Variants in MLLT3 observed in about 807,000 individuals in gnomAD.
The protein encoded by MLLT3 is protein AF-9.
A neutral mutation model predicts 53.2 loss-of-function variants in MLLT3; 4 were observed. The observed-to-expected ratio is 0.08, with a 90% confidence interval of 0.04 to 0.17. MLLT3 has a LOEUF of 0.17. Ranked by LOEUF, MLLT3 falls within the 10% of genes least tolerant of loss-of-function variation. The pLI is 1.00. For synonymous variants in MLLT3, 283 were observed against 230.6 expected, an observed-to-expected ratio of 1.23 and a Z score of -2.06; for missense variants, 569 against 684.0, an observed-to-expected ratio of 0.83 and a Z score of 1.87.
chr9:20,410,561 C>T (rs893629153), intron 5 of MLLT3: 1 of 152,094 alleles, frequency 6.6e-6, no homozygotes, highest in African/African-American at 2.4e-5. Flanking sequence ...ATCTACCTAC[C>T]TTTCACTTAT....
At chr9:20,517,349 C>A (rs907925987) in intron 2 of MLLT3, among the ~76,000 whole-genome samples, 1 of 151,348 alleles carries the variant, frequency 6.6e-6, no homozygotes, top group African/African-American at 2.4e-5. Flanking sequence ...ATCCCAGTAA[C>A]AATGAACACA....
At chr9:20,497,260 C>G (rs1032946587) in intron 2 of MLLT3, among the ~76,000 whole-genome samples, 3 of 152,162 alleles carry the variant, frequency 2.0e-5, no homozygotes, top group African/African-American at 7.2e-5. Context: ...TATAACTTTT[C>G]AATGTTCTTT....
chr9:20,373,323 T>C (rs1821666971), intron 5 of MLLT3, among the ~76,000 whole-genome samples: 1 of 152,214 alleles, frequency 6.6e-6, no homozygotes, highest in African/African-American at 2.4e-5. Flanking sequence ...AATACAATCT[T>C]CAACATTAAA....
At chr9:20,566,434 T>C (rs1235408457) in intron 2 of MLLT3, among the ~76,000 whole-genome samples, 2 of 152,154 alleles carry the variant, frequency 1.3e-5, no homozygotes, top group African/African-American at 2.4e-5. Flanking sequence ...AAACAATACG[T>C]AGGCATATTC....
intron 5 of MLLT3, among the ~76,000 whole-genome samples, chr9:20,398,398 GTAGT>G (rs756511129): frequency 1.4e-4 from 21 of 152,104 alleles, no homozygotes; most frequent in Admixed American, 2.0e-4. Flanking sequence ...TTATACGGTT[GTAGT>G]TACTCAGATG....
At chr9:20,470,576 C>A (rs1219637527) in intron 2 of MLLT3, among the ~76,000 whole-genome samples, 2 of 151,990 alleles carry the variant, frequency 1.3e-5, no homozygotes, top group Admixed American at 1.3e-4. Flanking sequence ...TACCAAGAAA[C>A]TGAATAAGCT....
In MLLT3 at chr9:20,611,500, A is replaced by G. The variant is rs558046424; in HGVS notation, c.193+9154T>C. Among the ~76,000 whole-genome samples the G allele has an allele frequency of 1.2e-3, 177 of 152,226 alleles. 2 individuals are homozygous for G. The highest frequency in any genetic ancestry group is 2.3e-3 in the Non-Finnish European group (157 of 67,942). The stretch of plus-strand genomic sequence containing the variant: ...GGAAAGGAACAAAGAAAAAAAATCT[A>G]GTTTTGACAAAATCAAATATTTTAA... On this transcript the variant is annotated intron_variant, in intron 2 of 10. Coordinates refer to ENST00000380338, the MANE Select transcript of MLLT3 (RefSeq NM_004529.4).
At chr9:20,474,585 G>C (rs912599860) in intron 2 of MLLT3, among the ~76,000 whole-genome samples, 1 of 151,946 alleles carries the variant, frequency 6.6e-6, no homozygotes, top group African/African-American at 2.4e-5. Context: ...AGACACCCTT[G>C]TATTCCATCC....
At chr9:20,503,592 T>G (rs1282103183) in intron 2 of MLLT3, among the ~76,000 whole-genome samples, 1 of 152,150 alleles carries the variant, frequency 6.6e-6, no homozygotes, top group East Asian at 1.9e-4. Context: ...ATAAAAATAC[T>G]AGAAGAAAAC....
intron 9 of MLLT3, among the ~76,000 whole-genome samples, chr9:20,354,598 C>G (rs1057153742): frequency 2.0e-5 from 3 of 152,186 alleles, no homozygotes; most frequent in African/African-American, 7.2e-5. Context: ...TGGCAAATGA[C>G]AGCATAAGGC....
chr9:20,596,227 C>T (rs1820258545), intron 2 of MLLT3, among the ~76,000 whole-genome samples: 1 of 152,208 alleles, frequency 6.6e-6, no homozygotes. Context: ...AAAATAAATG[C>T]TGAATAAAAG....
In MLLT3 at chr9:20,622,465, G is replaced by A; in HGVS notation, c.-209C>T. 2 of 539,116 alleles carry A rather than the reference G, an allele frequency of 3.7e-6. No homozygotes were observed. Among genetic ancestry groups the A allele is most frequent in the Non-Finnish European group, 6.6e-6 (2 of 304,174 alleles). The allele number at this position is 539,116 out of a possible 1,614,324, so 33.4% of individuals were successfully genotyped here. On this transcript the variant is annotated 5_prime_UTR_variant, in exon 1 of 11. Coordinates refer to ENST00000380338, the MANE Select transcript of MLLT3 (RefSeq NM_004529.4). The stretch of plus-strand genomic sequence containing the variant: ...CTCAGCCCCAAAAGCAAAAGCAGCA[G>A]CAGCAGCAGCAGCTCCAGGGTAAAG...
intron 4 of MLLT3, among the ~76,000 whole-genome samples, chr9:20,429,566 A>T (rs1177149474): frequency 6.6e-6 from 1 of 152,148 alleles, no homozygotes; most frequent in African/African-American, 2.4e-5. Context: ...AAAGGAAAAA[A>T]ATCTAATAGA....
intron 2 of MLLT3, among the ~76,000 whole-genome samples, chr9:20,462,690 T>C (rs918678409): frequency 6.6e-6 from 1 of 152,158 alleles, no homozygotes; most frequent in Non-Finnish European, 1.5e-5. Context: ...TCCTAATACA[T>C]CTGCTACCAT....
Position 20,343,622 on chromosome 9 carries a change from C to T in MLLT3, c.*2821G>A, listed in dbSNP as rs1820795357. 1 of 228,902 alleles carries T rather than the reference C, an allele frequency of 4.4e-6. No individual in the cohort carries two copies. Among genetic ancestry groups the T allele is most frequent in the Admixed American group, 5.7e-5 (1 of 17,640 alleles). The allele number at this position is 228,902 out of a possible 1,614,324, so 14.2% of individuals were successfully genotyped here. A position where few individuals can be genotyped will look rare whatever the true frequency, so the allele number is the denominator to read the frequency against. On this transcript the variant is annotated 3_prime_UTR_variant, in exon 11 of 11. Coordinates refer to ENST00000380338, the MANE Select transcript of MLLT3 (RefSeq NM_004529.4). ...GGAGCTCTGTACATATATTTTTTCC[C>T]CTGGCTGATCACTGAGGAAAAATTT...
rs34950474 is a variant in MLLT3 at position 20,342,834 on chromosome 9, G to GTATATA, written c.*3603_*3608dup. On this transcript the variant is annotated 3_prime_UTR_variant, in exon 11 of 11. Coordinates refer to ENST00000380338, the MANE Select transcript of MLLT3 (RefSeq NM_004529.4). ...AAGATTACTCTGATAATATATATGT[G>GTATATA]TATATATATATATATATGTATATAT... 58 of 166,686 alleles carry GTATATA rather than the reference G, an allele frequency of 3.5e-4. No homozygotes were observed. The highest frequency in any genetic ancestry group is 2.4e-3 in the Middle Eastern group (1 of 410). 10.3% of individuals were successfully genotyped at this position (166,686 alleles called of 1,614,324 possible). A position where few individuals can be genotyped will look rare whatever the true frequency, so the allele number is the denominator to read the frequency against.
intron 5 of MLLT3, among the ~76,000 whole-genome samples, chr9:20,396,015 A>G (rs575713583): frequency 6.6e-6 from 1 of 152,172 alleles, no homozygotes; most frequent in Non-Finnish European, 1.5e-5. Context: ...TTAAATTCCC[A>G]GTTCTATTCA....
At chr9:20,602,272 T>A (rs1457559987) in intron 2 of MLLT3, among the ~76,000 whole-genome samples, 1 of 152,150 alleles carries the variant, frequency 6.6e-6, no homozygotes, top group African/African-American at 2.4e-5. Flanking sequence ...TAAAATAACT[T>A]ATCCCATGGG....
chr9:20,549,808 C>G (rs1818883169), intron 2 of MLLT3, among the ~76,000 whole-genome samples: 2 of 152,216 alleles, frequency 1.3e-5, no homozygotes, highest in Non-Finnish European at 2.9e-5. Flanking sequence ...CACATTTACT[C>G]ACCAAAGATC....
Sources: allele counts gnomAD v4.1 joint callset (sites outside exome capture counted in the v4.1 genomes callset), GRCh38; gene constraint gnomAD v4.1.1; transcripts MANE v1.5; gene names NCBI Gene and HGNC (gene_info 2026-07-23, HGNC 2026-07-21).